HIVEP3: variants seen among roughly 807,000 people sequenced by gnomAD.
HIVEP3 encodes HIVEP zinc finger 3.
HIVEP3 carries 49 observed loss-of-function variants against 152.8 expected under a neutral mutation model. The observed-to-expected ratio is 0.32, with a 90% CI of 0.26 to 0.41. The LOEUF is 0.41. Among genes scored for constraint, HIVEP3 ranks in the 10% least tolerant of loss-of-function variants. The pLI is 1.00. For missense variants in HIVEP3, 2,790 were observed against 3,103.3 expected, an observed-to-expected ratio of 0.90 and a Z score of 2.40; for synonymous variants, 1,269 against 1,289.0, an observed-to-expected ratio of 0.98 and a Z score of 0.33.
At chr1:41,560,676 T>C (rs1644046382) in intron 5 of HIVEP3, among the ~76,000 whole-genome samples, 1 of 152,172 alleles carries the variant, frequency 6.6e-6, no homozygotes, top group Admixed American at 6.5e-5. Context: ...AGCTGCTGGG[T>C]TGGGTCTCCT....
chr1:41,633,200 C>T (rs1645221126), intron 2 of HIVEP3, among the ~76,000 whole-genome samples: 1 of 152,078 alleles, frequency 6.6e-6, no homozygotes, highest in Non-Finnish European at 1.5e-5. Flanking sequence ...CCCTCTTCTC[C>T]CCCCCGCAAC....
At chr1:41,727,760 A>C (rs7553030) in intron 1 of HIVEP3, among the ~76,000 whole-genome samples, 2,002 of 152,320 alleles carry the variant, frequency 0.013, 42 homozygotes, top group African/African-American at 0.046. Context: ...GGAGCACCAG[A>C]CACAGAGCCC....
chr1:41,842,091 C>CA (rs977635690), intron 1 of HIVEP3, among the ~76,000 whole-genome samples: 21 of 147,910 alleles, frequency 1.4e-4, no homozygotes, highest in Admixed American at 2.0e-4. Flanking sequence ...GACTCCATCT[C>CA]AAAAAAAAAA....
chr1:41,615,815 CTTTTTTTTTTTTT>C (rs747478470), intron 3 of HIVEP3, among the ~76,000 whole-genome samples: 98 of 47,028 alleles, frequency 2.1e-3, no homozygotes, highest in African/African-American at 7.0e-3. Context: ...TTTGACAAGT[CTTTTTTTTTTTTT>C]TTTTTTTTTT....
intron 3 of HIVEP3, among the ~76,000 whole-genome samples, chr1:41,610,318 C>G (rs1352369788): frequency 6.6e-6 from 1 of 152,254 alleles, no homozygotes; most frequent in Non-Finnish European, 1.5e-5. Context: ...TTGCTGCTAT[C>G]ACATGTCTTA....
rs1393591089 is a variant in HIVEP3, at chr1:41,662,882, C to T, written c.-720-33935G>A. Among the ~76,000 whole-genome samples, 1 of 152,140 alleles carries T rather than the reference C, an allele frequency of 6.6e-6. No homozygotes were observed. The highest frequency in any genetic ancestry group is 6.5e-5 in the Admixed American group (1 of 15,292). On this transcript the variant is annotated intron_variant, in intron 2 of 8. Transcript: ENST00000372583. The surrounding 1 kb of genome is among the most constrained non-coding windows in gnomAD (Gnocchi z 7.2). ...CCCCAAAGTGTGCGCTCCCCGCCTT[C>T]CCCCTGGGTGCCAGCCGGGCTCCGG...
At chr1:41,574,887 C>G (rs940552651) in intron 5 of HIVEP3, among the ~76,000 whole-genome samples, 1 of 152,224 alleles carries the variant, frequency 6.6e-6, no homozygotes, top group African/African-American at 2.4e-5. Flanking sequence ...GTCTGAAACA[C>G]GGCACCCTTC....
chr1:41,841,008 C>G (rs1004435011), intron 1 of HIVEP3, among the ~76,000 whole-genome samples: 7 of 152,230 alleles, frequency 4.6e-5, no homozygotes, highest in Non-Finnish European at 1.0e-4. Context: ...CTGTTAAAGT[C>G]TCTGTCCGGT....
chr1:41,620,624 G>A (rs1645033417), intron 3 of HIVEP3, among the ~76,000 whole-genome samples: 1 of 152,108 alleles, frequency 6.6e-6, no homozygotes, highest in Admixed American at 6.6e-5. Context: ...GCCCCACCCA[G>A]CACGCCCCAA....
intron 3 of HIVEP3, among the ~76,000 whole-genome samples, chr1:41,598,502 G>A (rs1227850504): frequency 6.6e-6 from 1 of 152,194 alleles, no homozygotes. Flanking sequence ...AAGAGGTGGC[G>A]ACTGCCTGTG....
At position 41,813,772 on chromosome 1, in the gene HIVEP3, C is replaced by G. The variant is rs937091409; in HGVS notation, c.-801+104641G>C. On this transcript the variant is annotated intron_variant, in intron 1 of 8. Transcript: ENST00000372583. ...CCCTGCCCCATGCCATACAACTCTT[C>G]CTAAACACAGGGTCTTCACAGCCAG... Among the ~76,000 whole-genome samples the G allele has an allele frequency of 3.0e-4, 45 of 152,180 alleles. 1 individual carries two copies. The highest frequency in any genetic ancestry group is 2.9e-5 in the Non-Finnish European group (2 of 68,026).
At chr1:41,898,075 G>A (rs1644563151) in intron 1 of HIVEP3, among the ~76,000 whole-genome samples, 1 of 152,202 alleles carries the variant, frequency 6.6e-6, no homozygotes, top group East Asian at 1.9e-4. Flanking sequence ...CTCTCACAGG[G>A]CCCCTGCACT....
intron 1 of HIVEP3, among the ~76,000 whole-genome samples, chr1:41,796,061 T>C (rs1649965421): frequency 6.6e-6 from 1 of 152,224 alleles, no homozygotes; most frequent in Non-Finnish European, 1.5e-5. Context: ...CTGGAAAATA[T>C]ATGTGTGTAT....
At chr1:41,987,793 G>T (rs1285608738) in intron 1 of HIVEP3, among the ~76,000 whole-genome samples, 1 of 152,186 alleles carries the variant, frequency 6.6e-6, no homozygotes, top group Non-Finnish European at 1.5e-5. Flanking sequence ...ACTCAGTTCT[G>T]CATGGCTGGG....
At chr1:41,777,207 C>G (rs1316133181) in intron 1 of HIVEP3, among the ~76,000 whole-genome samples, 2 of 152,202 alleles carry the variant, frequency 1.3e-5, no homozygotes, top group Non-Finnish European at 2.9e-5. Context: ...GCTCCAAATG[C>G]TGGGCTGCAG....
At chr1:41,787,698 T>A (rs12407811) in intron 1 of HIVEP3, among the ~76,000 whole-genome samples, 66,820 of 132,412 alleles carry the variant, frequency 0.5, 15,115 homozygotes, top group Middle Eastern at 0.52. Context: ...TTAAAAAAAT[T>A]TTTTTTTTTT....
At chr1:41,771,440 C>T (rs935750465) in intron 1 of HIVEP3, among the ~76,000 whole-genome samples, 22 of 152,274 alleles carry the variant, frequency 1.4e-4, no homozygotes, top group Admixed American at 7.2e-4. Flanking sequence ...TTCTCTCCTC[C>T]GGAGCTCAGG....
At chr1:41,745,797 C>T (rs999182807) in intron 1 of HIVEP3, among the ~76,000 whole-genome samples, 5 of 152,224 alleles carry the variant, frequency 3.3e-5, no homozygotes, top group Admixed American at 6.5e-5. Context: ...AGAGGCTCTC[C>T]TCTTTCCACC....
intron 1 of HIVEP3, among the ~76,000 whole-genome samples, chr1:41,951,857 T>C (rs116108532): frequency 0.01 from 1,556 of 152,138 alleles, 25 homozygotes; most frequent in African/African-American, 0.036. Flanking sequence ...TCCCACAACA[T>C]GTGGGGATTG....
Sources: gnomAD v4.1 joint callset for allele counts (sites outside exome capture counted in the v4.1 genomes callset) on GRCh38, gnomAD v4.1.1 for gene constraint, Gnocchi (gnomAD v3.1) non-coding constraint, MANE v1.5 for transcripts, NCBI Gene and HGNC (gene_info 2026-07-23, HGNC 2026-07-21) for gene names.